Variants in BRD8 observed in about 807,000 individuals in gnomAD.
BRD8 encodes the protein bromodomain containing 8.
In BRD8, 67 loss-of-function variants were observed where a neutral mutation model predicts 143.1. That is an observed-to-expected ratio of 0.47 (90% CI 0.38 to 0.57). The LOEUF (loss-of-function observed/expected upper bound fraction) is 0.57. BRD8 is among the 20% of genes least tolerant of loss of function. The pLI, the probability that BRD8 is intolerant of heterozygous loss-of-function variation, is 0.00. For synonymous variants in BRD8, 505 were observed against 517.1 expected, an observed-to-expected ratio of 0.98 and a Z score of 0.32; for missense variants, 1,103 against 1,503.0, an observed-to-expected ratio of 0.73 and a Z score of 4.40.
intron 11 of BRD8, 32 bp from the exon 12 acceptor site, chr5:138,165,198 A>C (rs755449606): frequency 1.9e-5 from 30 of 1,596,336 alleles, no homozygotes; most frequent in Non-Finnish European, 2.5e-5. Flanking sequence ...TATTGAGGTC[A>C]CAGAAAGAAG....
chr5:138,160,075 T>C lies in BRD8; in HGVS notation c.2526A>G (p.Ser842=), dbSNP rs754594870. The C allele has an allele frequency of 1.9e-6, 3 of 1,613,446 alleles. No individual in the cohort carries two copies. Among genetic ancestry groups the C allele is most frequent in the Non-Finnish European group, 2.5e-6 (3 of 1,179,362 alleles). Residue 842 remains serine, a synonymous_variant, in exon 19 of 27, where the codon TCA becomes TCG. Transcript: ENST00000254900. Reference sequence around the variant, plus strand: ...TCCTTCCTGATCGCCTCACCTTCTCTGAAGCATCCTGTTTGCGGGTAGAAT... The same window carrying C: ...TCCTTCCTGATCGCCTCACCTTCTCCGAAGCATCCTGTTTGCGGGTAGAAT... ...GRDSTRKQDA[S]EKDSVPMGSP... is the part of the protein sequence containing the mutation.
chr5:138,148,153 G>T, intron 23 of BRD8, among the ~76,000 whole-genome samples: 1 of 111,496 alleles, frequency 9.0e-6, no homozygotes, highest in Non-Finnish European at 1.8e-5. Flanking sequence ...AATAGCTGAT[G>T]AGCTGGAAAA....
At position 138,177,666 on chromosome 5, in the gene BRD8, T is replaced by C. The variant is rs1561625240; in HGVS notation, c.21A>G (p.Lys7=). 1.3e-6 allele frequency: 2 copies of C among 1,542,448 alleles called. No homozygotes were observed. Among genetic ancestry groups the C allele is most frequent in the African/African-American group, 1.8e-5 (1 of 54,154 alleles). ...TGGGGCCAGTGCTTAGCAGCTTGTG[T>C]TCTGGGAAAGGGAGAAAAAAAAAAA... MATGTG[K]HKLLSTGPTE... The change falls in exon 2 of 27, where the codon AAA becomes AAG. Residue 7 remains lysine (K), a splice_region_variant and synonymous_variant. Coordinates refer to ENST00000254900, the MANE Select transcript of BRD8 (RefSeq NM_139199.2).
At position 138,150,700 on chromosome 5, in the gene BRD8, T is replaced by G. The variant is rs373992074; in HGVS notation, c.3120+45A>C. On this transcript the variant is annotated intron_variant, in intron 22 of 26. Transcript: ENST00000254900. ...CTCTAACTACTCTGTTCTGCTTCCC[T>G]AGGCAGAAGACCAACAAGACAGCTG... 8 of 1,558,882 alleles carry G rather than the reference T, an allele frequency of 5.1e-6. No individual in the cohort carries two copies. The African/African-American group carries it at 5.5e-5, about 11-fold the overall frequency.
chr5:138,139,996 G>C lies in BRD8; in HGVS notation c.*78C>G. The stretch of plus-strand genomic sequence containing the variant: ...GAAAAGAAAATGAGGACATGGCAAA[G>C]AAGTACCAGGATCCTCTCTAGGTCA... On this transcript the variant is annotated 3_prime_UTR_variant, in exon 27 of 27. Transcript: ENST00000254900. 1.8e-6 allele frequency: 2 copies of C among 1,142,790 alleles called. No individual in the cohort carries two copies. Among genetic ancestry groups the C allele is most frequent in the Non-Finnish European group, 2.6e-6 (2 of 765,804 alleles). 70.8% of individuals were successfully genotyped at this position (1,142,790 alleles called of 1,614,324 possible). A position where few individuals can be genotyped will look rare whatever the true frequency, so the allele number is the denominator to read the frequency against.
rs566100628 is a variant in BRD8, at chr5:138,162,038, G to A, written c.2180+16C>T. ...GTAGGAGAAAATGAACCTACTGACTGGTAAAGCCCACTCACCTATGATTAG... is the reference window on the plus strand; with the variant it reads ...GTAGGAGAAAATGAACCTACTGACTAGTAAAGCCCACTCACCTATGATTAG... On this transcript the variant is annotated intron_variant, in intron 16 of 26. Coordinates refer to ENST00000254900, the MANE Select transcript of BRD8 (RefSeq NM_139199.2). 111 of 1,608,376 alleles carry A rather than the reference G, an allele frequency of 6.9e-5. 5 individuals carry two copies. In the South Asian group the frequency reaches 1.2e-3, roughly 17 times the overall value.
At chr5:138,146,923 T>G (rs1343781098) in intron 23 of BRD8, among the ~76,000 whole-genome samples, 1 of 131,816 alleles carries the variant, frequency 7.6e-6, no homozygotes, top group Non-Finnish European at 1.5e-5. Flanking sequence ...TGAGCCGAGA[T>G]CACGCCACTG....
intron 1 of BRD8, 106 bp downstream of exon 1, chr5:138,178,490 C>T (rs751573515): frequency 2.8e-6 from 3 of 1,067,564 alleles, no homozygotes; most frequent in Admixed American, 1.7e-5. Flanking sequence ...AAACCCTGGG[C>T]TCTCAAGCAA....
At chr5:138,156,676 G>A (rs997508324) in intron 20 of BRD8, among the ~76,000 whole-genome samples, 11 of 152,008 alleles carry the variant, frequency 7.2e-5, no homozygotes, top group South Asian at 2.1e-4. Context: ...TCTTTCCTGC[G>A]CAATGCAACA....
At chr5:138,163,059 A>AGGAC in intron 15 of BRD8, 71 bp downstream of exon 15, 1 of 1,159,948 alleles carries the variant, frequency 8.6e-7, no homozygotes, top group Non-Finnish European at 1.2e-6. Flanking sequence ...ACAGGAAGGA[A>AGGAC]GGAAGGAAGG....
chr5:138,167,965 G>A lies in BRD8; in HGVS notation c.756C>T (p.Pro252=). 1.2e-6 allele frequency: 2 copies of A among 1,613,644 alleles called. No homozygotes were observed. Among genetic ancestry groups the A allele is most frequent in the Non-Finnish European group, 1.7e-6 (2 of 1,179,564 alleles). ...CAGCAGGGGAGGCTGCAACAGTATT[G>A]GGTGTTTGCTGTATCTCCCCACCAT... ...MIHGGEIQQT[P]NTVAASPAAS... Residue 252 remains proline (P), a synonymous_variant, in exon 9 of 27, where the codon CCC becomes CCT. Transcript: ENST00000254900.
At chr5:138,168,739 C>G (rs1420140195) in intron 8 of BRD8, 1 of 949,128 alleles carries the variant, frequency 1.1e-6, no homozygotes, top group East Asian at 2.4e-5. Flanking sequence ...ATGGAAGGTT[C>G]CCTACTAATC....
chr5:138,140,897 G>A lies in BRD8; in HGVS notation c.3438-15C>T. On this transcript the variant is annotated splice_polypyrimidine_tract_variant and intron_variant, in intron 25 of 26. Transcript: ENST00000254900. ...AGTCCATGGGTCTGCAGGTGGCCAA[G>A]AAAAAACAAAGAAAATCAAACCTTC... 6.2e-7 allele frequency: 1 copy of A among 1,611,202 alleles called. No individual in the cohort carries two copies. Among genetic ancestry groups the A allele is most frequent in the Non-Finnish European group, 8.5e-7 (1 of 1,179,012 alleles).
intron 9 of BRD8, 177 bp from the exon 10 acceptor site, chr5:138,166,904 C>A: frequency 1.8e-6 from 1 of 555,800 alleles, no homozygotes; most frequent in Non-Finnish European, 3.2e-6. Context: ...AGATCTTCCT[C>A]CAAGTTAGGA....
intron 22 of BRD8, among the ~76,000 whole-genome samples, chr5:138,150,226 C>T (rs217271): frequency 0.98 from 148,664 of 151,426 alleles, 73,039 homozygotes; most frequent in Middle Eastern, 1. Flanking sequence ...CCCCCGAGAC[C>T]CCTAAGTAGC....
At chr5:138,144,230 AC>A (rs1752043400) in intron 25 of BRD8, among the ~76,000 whole-genome samples, 1 of 152,110 alleles carries the variant, frequency 6.6e-6, no homozygotes, top group Admixed American at 6.5e-5. Context: ...CAGAGGCGCC[AC>A]CTTTAAGAGC....
intron 20 of BRD8, among the ~76,000 whole-genome samples, chr5:138,156,321 G>A (rs1263374813): frequency 6.6e-6 from 1 of 151,720 alleles, no homozygotes; most frequent in Non-Finnish European, 1.5e-5. Flanking sequence ...TGTATTTTTT[G>A]TAGAGACAGA....
In BRD8 at chr5:138,150,875, GTC is replaced by G; in HGVS notation, c.2988_2989del (p.Glu996AspfsTer2). On this transcript the variant is annotated frameshift_variant, in exon 22 of 27. Coordinates refer to ENST00000254900, the MANE Select transcript of BRD8 (RefSeq NM_139199.2). LOFTEE classifies it high-confidence loss of function. ...GTCTCCTTTAGCTGAAAGCTCTTCAGTCTCTCTGCAGAGCTCCCTTTCTCCTT... is the reference window on the plus strand; with the variant it reads ...GTCTCCTTTAGCTGAAAGCTCTTCAGTCTCTGCAGAGCTCCCTTTCTCCTT... The G allele has an allele frequency of 6.2e-7, 1 of 1,614,202 alleles. No individual in the cohort carries two copies. The highest frequency in any genetic ancestry group is 1.1e-5 in the South Asian group (1 of 91,086).
rs773600050 is a variant in BRD8 at position 138,164,384 on chromosome 5, T to C, written c.1761A>G (p.Ser587=). The C allele has an allele frequency of 3.1e-5, 50 of 1,614,046 alleles. 1 individual carries two copies. The highest frequency in any genetic ancestry group is 4.2e-6 in the Non-Finnish European group (5 of 1,180,002). Residue 587 remains serine, a synonymous_variant, in exon 13 of 27, where the codon TCA becomes TCG. Coordinates refer to ENST00000254900, the MANE Select transcript of BRD8 (RefSeq NM_139199.2). ...GATCTTCAATGGGATTTGAGCCATG[T>C]GATGGAGACAACATGCTTTCAGGGG... ...EASPESMLSP[S]HGSNPIEDPL... is the part of the protein sequence containing the mutation.
Sources: gnomAD v4.1 joint callset for allele counts (sites outside exome capture counted in the v4.1 genomes callset) on GRCh38, gnomAD v4.1.1 for gene constraint, MANE v1.5 for transcripts, NCBI Gene and HGNC (gene_info 2026-07-23, HGNC 2026-07-21) for gene names.